The following B4GALT6 variants were observed in gnomAD, a reference collection of about 807,000 sequenced individuals.
B4GALT6 encodes the protein UDP-Gal:beta-GlcNAc beta-1,4-galactosyltransferase 6.
A neutral mutation model predicts 46.3 loss-of-function variants in B4GALT6; 14 were observed. The ratio of observed to expected loss-of-function variants is 0.30; its 90% CI spans 0.20 to 0.47. B4GALT6 has a LOEUF of 0.47. B4GALT6 is among the 20% of genes least tolerant of loss of function. The pLI is 0.99. For synonymous variants in B4GALT6, 168 were observed against 162.0 expected, an observed-to-expected ratio of 1.04 and a Z score of -0.28; for missense variants, 386 against 480.1, an observed-to-expected ratio of 0.80 and a Z score of 1.83.
chr18:31,698,500 T>C, the B4GALT6 span, among the ~76,000 whole-genome samples: 1 of 151,722 alleles, frequency 6.6e-6, no homozygotes, highest in Non-Finnish European at 1.5e-5. Context: ...GGCATGGTGG[T>C]GCACACCAGT....
At chr18:31,693,666 G>A in the B4GALT6 span, among the ~76,000 whole-genome samples, 1 of 152,058 alleles carries the variant, frequency 6.6e-6, no homozygotes, top group Admixed American at 6.6e-5. Flanking sequence ...AAAAAAGAAG[G>A]CTTGAAAATG....
chr18:31,626,902 C>G (rs2073706082), intron 7 of B4GALT6, 97 bp downstream of exon 7: 1 of 1,068,942 alleles, frequency 9.4e-7, no homozygotes. Flanking sequence ...TATCCCATCC[C>G]AAAGAATGTT....
At chr18:31,667,566 A>T (rs1285486147) in intron 1 of B4GALT6, among the ~76,000 whole-genome samples, 2 of 152,218 alleles carry the variant, frequency 1.3e-5, no homozygotes, top group Admixed American at 6.5e-5. Context: ...ACTTGCTCAA[A>T]GTACATATGA....
chr18:31,661,825 TA>T (rs764778352), intron 2 of B4GALT6, among the ~76,000 whole-genome samples: 3 of 152,246 alleles, frequency 2.0e-5, no homozygotes, highest in Non-Finnish European at 4.4e-5. Context: ...CATTTTCTTA[TA>T]ATCCTGAGGC....
chr18:31,711,741 G>T, the B4GALT6 span, among the ~76,000 whole-genome samples: 1 of 152,060 alleles, frequency 6.6e-6, no homozygotes, highest in African/African-American at 2.4e-5. Context: ...CCAAATTCTG[G>T]AGAATAAAAT....
At chr18:31,629,063 A>G (rs1396238565) in intron 6 of B4GALT6, among the ~76,000 whole-genome samples, 5 of 152,216 alleles carry the variant, frequency 3.3e-5, no homozygotes, top group Non-Finnish European at 5.9e-5. Flanking sequence ...CACTTAATGG[A>G]CAGTAAATAT....
rs1444852656 is a variant in B4GALT6, at chr18:31,653,963, A to G, written c.346+4013T>C. Among the ~76,000 whole-genome samples, 6 of 152,118 alleles carry G rather than the reference A, an allele frequency of 3.9e-5. No individual in the cohort carries two copies. The East Asian group carries it at 9.6e-4, about 24-fold the overall frequency. On this transcript the variant is annotated intron_variant, in intron 3 of 8. Transcript: ENST00000306851. The stretch of plus-strand genomic sequence containing the variant: ...AAACATATGCATGACAGTTTGTTAC[A>G]TTAGCATTATTTGAGCTTTGCTGAC...
At chr18:31,705,975 A>G in the B4GALT6 span, among the ~76,000 whole-genome samples, 1 of 152,208 alleles carries the variant, frequency 6.6e-6, no homozygotes, top group African/African-American at 2.4e-5. Context: ...ATAAATCTTT[A>G]ACATGTGCTT....
the B4GALT6 span, among the ~76,000 whole-genome samples, chr18:31,710,811 A>ATAC: frequency 3.1e-5 from 1 of 32,516 alleles, no homozygotes; most frequent in African/African-American, 9.6e-5. Flanking sequence ...TTTCCTGAAT[A>ATAC]CACCACACAC....
rs533106908 is a variant in B4GALT6, at chr18:31,622,444, T to C, written c.*3170A>G. On this transcript the variant is annotated 3_prime_UTR_variant, in exon 9 of 9. Transcript: ENST00000306851. ...ATAAACAATACTATAACCATTTTAGTTCTCTCAACCGGCATACTTGCAAAT... is the reference window on the plus strand; with the variant it reads ...ATAAACAATACTATAACCATTTTAGCTCTCTCAACCGGCATACTTGCAAAT... 1.3e-5 allele frequency: 2 copies of C among 152,040 alleles called. No homozygotes were observed. The highest frequency in any genetic ancestry group is 1.3e-4 in the Admixed American group (2 of 15,272). 9.4% of individuals were successfully genotyped at this position (152,040 alleles called of 1,614,324 possible).
chr18:31,638,836 T>G, intron 4 of B4GALT6, 76 bp from the exon 5 acceptor site: 1 of 1,225,832 alleles, frequency 8.2e-7, no homozygotes, highest in South Asian at 1.3e-5. Context: ...AATCAATCCT[T>G]GAAAACTTCT....
chr18:31,645,276 T>C, intron 4 of B4GALT6, 79 bp downstream of exon 4: 1 of 1,554,550 alleles, frequency 6.4e-7, no homozygotes, highest in Admixed American at 2.1e-5. Flanking sequence ...GACATTTGTC[T>C]CTGTATTCTG....
chr18:31,687,332 G>C (rs974518247), upstream of B4GALT6, among the ~76,000 whole-genome samples: 11 of 152,190 alleles, frequency 7.2e-5, no homozygotes, highest in Admixed American at 4.6e-4. Context: ...GTCACTCTCT[G>C]TCCACAGTAA....
At chr18:31,649,170 T>C (rs2074028152) in intron 3 of B4GALT6, among the ~76,000 whole-genome samples, 1 of 152,240 alleles carries the variant, frequency 6.6e-6, no homozygotes, top group African/African-American at 2.4e-5. Flanking sequence ...CCTCCTGTCC[T>C]TTCTGAAGCC....
chr18:31,638,663 G>A lies in B4GALT6; in HGVS notation c.569C>T (p.Ala190Val), dbSNP rs760954653. The A allele has an allele frequency of 5.0e-6, 8 of 1,613,366 alleles. No individual in the cohort carries two copies. The highest frequency in any genetic ancestry group is 1.6e-4 in the Middle Eastern group (1 of 6,080). Reference sequence around the variant, plus strand: ...TCTCACCTGTTCAATGACATAAAACGCAAATTCCAGCCGCTGCTTCTGGAG... The same window carrying A: ...TCTCACCTGTTCAATGACATAAAACACAAATTCCAGCCGCTGCTTCTGGAG... ...PMLQKQRLEF[A>V]FYVIEQTGTQ... Residue 190 changes from alanine (A) to valine (V), a missense_variant, in exon 5 of 9, where the codon GCG becomes GTG. Physicochemically the swap from Ala to Val is moderately conservative, Grantham distance 64. This residue lies in a region of B4GALT6 where 323 missense variants were observed against 438.9 expected (regional missense o/e 0.74). Coordinates refer to ENST00000306851, the MANE Select transcript of B4GALT6 (RefSeq NM_004775.5).
intron 8 of B4GALT6, 107 bp downstream of exon 8, chr18:31,626,176 G>T: frequency 1.7e-6 from 1 of 596,548 alleles, no homozygotes; most frequent in Non-Finnish European, 2.8e-6. Context: ...CTTCCATTAT[G>T]AAAATTCCCT....
At position 31,624,838 on chromosome 18, in the gene B4GALT6, C is replaced by T. The variant is rs1463492236; in HGVS notation, c.*776G>A. The T allele has an allele frequency of 6.6e-6, 1 of 152,562 alleles. No individual in the cohort carries two copies. The highest frequency in any genetic ancestry group is 2.4e-5 in the African/African-American group (1 of 41,436). The allele number at this position is 152,562 out of a possible 1,614,324, so 9.5% of individuals were successfully genotyped here. A position where few individuals can be genotyped will look rare whatever the true frequency, so the allele number is the denominator to read the frequency against. On this transcript the variant is annotated 3_prime_UTR_variant, in exon 9 of 9. Coordinates refer to ENST00000306851, the MANE Select transcript of B4GALT6 (RefSeq NM_004775.5). ...TAAAGAGATCCTTTATATCATGTCA[C>T]ATCACAACTTTTAAGATTTTTCTTG...
chr18:31,626,487 TC>T, intron 7 of B4GALT6, 103 bp from the exon 8 acceptor site: 1 of 605,224 alleles, frequency 1.7e-6, no homozygotes. Context: ...AATCCAGGGT[TC>T]CCCAACCCCT....
At chr18:31,704,001 G>A in the B4GALT6 span, among the ~76,000 whole-genome samples, 1 of 151,910 alleles carries the variant, frequency 6.6e-6, no homozygotes, top group Non-Finnish European at 1.5e-5. Flanking sequence ...ATCCTTTTTT[G>A]TTATCTCCAT....
Sources: gnomAD v4.1 joint callset for allele counts (sites outside exome capture counted in the v4.1 genomes callset) on GRCh38, gnomAD v4.1.1 for gene constraint, gnomAD v4.1.1 regional missense constraint, MANE v1.5 for transcripts, NCBI Gene and HGNC (gene_info 2026-07-23, HGNC 2026-07-21) for gene names.